Variants in MGAT4C observed in about 807,000 individuals in gnomAD.
MGAT4C encodes alpha-1,3-mannosyl-glycoprotein 4-beta-N-acetylglucosaminyltransferase C.
A neutral mutation model predicts 40.1 loss-of-function variants in MGAT4C; 19 were observed. That is an observed-to-expected ratio of 0.47 (90% CI 0.33 to 0.70). The LOEUF (loss-of-function observed/expected upper bound fraction) is 0.70, where lower values mean the gene tolerates loss of function less well. Among genes scored for constraint, MGAT4C ranks in the 30% least tolerant of loss-of-function variants. MGAT4C has a pLI of 0.02. For synonymous variants in MGAT4C, 181 were observed against 187.1 expected, an observed-to-expected ratio of 0.97 and a Z score of 0.27; for missense variants, 491 against 563.2, an observed-to-expected ratio of 0.87 and a Z score of 1.30.
At chr12:86,506,210 A>G (rs1958470325) in intron 2 of MGAT4C, among the ~76,000 whole-genome samples, 1 of 152,094 alleles carries the variant, frequency 6.6e-6, no homozygotes, top group Non-Finnish European at 1.5e-5. Context: ...TTCAAGTCCT[A>G]CTCCAAATAG....
intron 1 of MGAT4C, among the ~76,000 whole-genome samples, chr12:86,835,259 G>T (rs893264820): frequency 6.6e-6 from 1 of 151,850 alleles, no homozygotes; most frequent in Non-Finnish European, 1.5e-5. Flanking sequence ...ACAGTTTCTA[G>T]CATAGATACT....
intron 1 of MGAT4C, among the ~76,000 whole-genome samples, chr12:86,831,091 C>A (rs868499990): frequency 6.6e-6 from 1 of 151,710 alleles, no homozygotes; most frequent in Non-Finnish European, 1.5e-5. Flanking sequence ...CCCCTGCCGA[C>A]CCCCATTGGA....
chr12:86,410,115 T>G (rs140735936), intron 3 of MGAT4C, among the ~76,000 whole-genome samples: 1,670 of 152,126 alleles, frequency 0.011, 18 homozygotes, highest in East Asian at 0.045. Flanking sequence ...AGGGCAAAAT[T>G]AGAATTACTG....
chr12:86,817,398 AT>A (rs1952627359), intron 1 of MGAT4C, among the ~76,000 whole-genome samples: 1 of 151,324 alleles, frequency 6.6e-6, no homozygotes, highest in African/African-American at 2.4e-5. Flanking sequence ...TTCTTTAGTA[AT>A]TTGGAGACTT....
At position 85,959,990 on chromosome 12, in the gene MGAT4C, T is replaced by C. The variant is rs915091655; in HGVS notation, c.*19299A>G. 6.6e-6 allele frequency: 1 copy of C among 152,068 alleles called. No homozygotes were observed. The highest frequency in any genetic ancestry group is 2.4e-5 in the African/African-American group (1 of 41,434). The allele number at this position is 152,068 out of a possible 1,614,324, so 9.4% of individuals were successfully genotyped here. A position where few individuals can be genotyped will look rare whatever the true frequency, so the allele number is the denominator to read the frequency against. On this transcript the variant is annotated 3_prime_UTR_variant, in exon 5 of 5. Transcript: ENST00000611864. ...TCCTATTCTCCTTTTCTTATGGTTT[T>C]ATTGTGAAGATCTGTGCAAATAGCT... is the stretch of plus-strand genomic sequence containing the variant.
intron 1 of MGAT4C, among the ~76,000 whole-genome samples, chr12:86,155,108 C>T (rs61932277): frequency 0.085 from 12,922 of 151,980 alleles, 693 homozygotes; most frequent in Middle Eastern, 0.22. Context: ...GTGAGAATTA[C>T]GGGAAGAGGG....
intron 2 of MGAT4C, among the ~76,000 whole-genome samples, chr12:86,457,904 A>C (rs1565776077): frequency 6.6e-6 from 1 of 152,080 alleles, no homozygotes; most frequent in Non-Finnish European, 1.5e-5. Flanking sequence ...GGAATAATCC[A>C]TGTAAATAAA....
chr12:86,774,297 T>TTC (rs1375588029), intron 1 of MGAT4C, among the ~76,000 whole-genome samples: 2 of 32,698 alleles, frequency 6.1e-5, no homozygotes, highest in Admixed American at 4.4e-4. Flanking sequence ...CTTTCTTTCT[T>TTC]TCTTTCTTTC....
At chr12:86,152,223 C>G (rs1884373883) in intron 1 of MGAT4C, among the ~76,000 whole-genome samples, 1 of 152,190 alleles carries the variant, frequency 6.6e-6, no homozygotes, top group African/African-American at 2.4e-5. Flanking sequence ...AACAAAACAT[C>G]TGAGACTGAA....
chr12:86,338,157 G>A (rs1369466866), intron 3 of MGAT4C, among the ~76,000 whole-genome samples: 2 of 152,078 alleles, frequency 1.3e-5, no homozygotes, highest in South Asian at 2.1e-4. Flanking sequence ...CCGAACATTC[G>A]GGGAGCAGAA....
chr12:86,510,918 A>T (rs1388966802), intron 2 of MGAT4C, among the ~76,000 whole-genome samples: 2 of 151,570 alleles, frequency 1.3e-5, no homozygotes, highest in African/African-American at 4.8e-5. Context: ...CACTGTCAAC[A>T]TTAGACAGAT....
intron 1 of MGAT4C, among the ~76,000 whole-genome samples, chr12:86,154,137 C>T (rs839132): frequency 1 from 151,687 of 152,252 alleles, 75,562 homozygotes; most frequent in Middle Eastern, 1. Flanking sequence ...AAGTTCATTA[C>T]CATGAATTGT....
intron 2 of MGAT4C, among the ~76,000 whole-genome samples, chr12:86,486,606 T>C (rs1490699029): frequency 1.3e-5 from 2 of 152,172 alleles, no homozygotes; most frequent in African/African-American, 2.4e-5. Context: ...TGAAAAGTTT[T>C]AGACACCCAC....
intron 2 of MGAT4C, among the ~76,000 whole-genome samples, chr12:86,514,325 T>C (rs1443867713): frequency 6.6e-6 from 1 of 152,180 alleles, no homozygotes; most frequent in African/African-American, 2.4e-5. Context: ...TGTATCATTT[T>C]TCTACTGCTT....
At chr12:86,814,159 T>A (rs1190622505) in intron 1 of MGAT4C, among the ~76,000 whole-genome samples, 1 of 151,706 alleles carries the variant, frequency 6.6e-6, no homozygotes, top group Non-Finnish European at 1.5e-5. Flanking sequence ...CTGATAGATA[T>A]ATTTCTAAGC....
chr12:86,552,464 T>C (rs1959414316), intron 2 of MGAT4C, among the ~76,000 whole-genome samples: 2 of 152,124 alleles, frequency 1.3e-5, no homozygotes, highest in Admixed American at 6.6e-5. Context: ...TATGCCATTG[T>C]AGATTGACTA....
chr12:86,083,420 A>T (rs760455769), intron 1 of MGAT4C, among the ~76,000 whole-genome samples: 7 of 152,050 alleles, frequency 4.6e-5, no homozygotes, highest in Non-Finnish European at 7.4e-5. Flanking sequence ...TCAGGATAAG[A>T]TTCAGTTTTA....
intron 2 of MGAT4C, among the ~76,000 whole-genome samples, chr12:86,021,894 G>T (rs1189748943): frequency 6.6e-6 from 1 of 152,140 alleles, no homozygotes; most frequent in South Asian, 2.1e-4. Flanking sequence ...TACAGTAATA[G>T]ATCAGGTAAA....
In MGAT4C at chr12:86,486,376, G is replaced by GCACACACACA. The variant is rs59222713; in HGVS notation, c.-228-51121_-228-51112dup. On this transcript the variant is annotated intron_variant, in intron 2 of 7. Coordinates refer to the MGAT4C transcript ENST00000548651. ...AAAAGAACAGAGAAAGATCTATCAT[G>GCACACACACA]CACACACACACACACACACACACAC... is the stretch of plus-strand genomic sequence containing the variant. Among the ~76,000 whole-genome samples, 6 of 140,100 alleles carry GCACACACACA rather than the reference G, an allele frequency of 4.3e-5. No individual in the cohort carries two copies. The South Asian group carries it at 7.2e-4, about 17-fold the overall frequency. 91.9% of individuals were successfully genotyped at this position (140,100 alleles called of 152,430 possible). A position where few individuals can be genotyped will look rare whatever the true frequency, so the allele number is the denominator to read the frequency against.
Sources: gnomAD v4.1 joint callset for allele counts (sites outside exome capture counted in the v4.1 genomes callset) on GRCh38, gnomAD v4.1.1 for gene constraint, MANE v1.5 for transcripts, NCBI Gene and HGNC (gene_info 2026-07-23, HGNC 2026-07-21) for gene names.